The following TRMT11 variants were observed in gnomAD, a reference collection of about 807,000 sequenced individuals.
TRMT11 encodes tRNA methyltransferase 11.
Under a neutral mutation model 62.8 loss-of-function variants are expected in TRMT11, and 53 were observed. The ratio of observed to expected loss-of-function variants is 0.84; its 90% CI spans 0.68 to 1.06. TRMT11 has a LOEUF of 1.06. Ranked by LOEUF, TRMT11 falls within the 50% of genes least tolerant of loss-of-function variation. The pLI, the probability that TRMT11 is intolerant of heterozygous loss-of-function variation, is 0.00. For synonymous variants in TRMT11, 188 were observed against 190.3 expected, an observed-to-expected ratio of 0.99 and a Z score of 0.10; for missense variants, 556 against 553.4, an observed-to-expected ratio of 1.00 and a Z score of -0.05.
intron 1 of TRMT11, among the ~76,000 whole-genome samples, chr6:125,991,913 G>T (rs1790699699): frequency 6.6e-6 from 1 of 152,090 alleles, no homozygotes; most frequent in Non-Finnish European, 1.5e-5. Context: ...CCTTTTAAAT[G>T]GATGAAAAAG....
At chr6:125,992,714 G>T (rs532561548) in intron 1 of TRMT11, among the ~76,000 whole-genome samples, 1 of 152,236 alleles carries the variant, frequency 6.6e-6, no homozygotes, top group East Asian at 1.9e-4. Context: ...TCAGATTATG[G>T]TCTATTTAAT....
upstream of TRMT11, among the ~76,000 whole-genome samples, chr6:126,175,202 G>A (rs1778371905): frequency 1.3e-5 from 2 of 152,202 alleles, no homozygotes; most frequent in African/African-American, 4.8e-5. Context: ...GTCAATAATA[G>A]TTGGAGGGGC....
intron 3 of TRMT11, among the ~76,000 whole-genome samples, chr6:125,997,105 C>T (rs909404646): frequency 2.0e-5 from 3 of 152,126 alleles, no homozygotes; most frequent in African/African-American, 7.2e-5. Flanking sequence ...ATTAATGGCA[C>T]AATTAACAGT....
chr6:126,102,118 A>G (rs1777408245), intron 17 of TRMT11, among the ~76,000 whole-genome samples: 1 of 152,148 alleles, frequency 6.6e-6, no homozygotes, highest in East Asian at 1.9e-4. Context: ...CAAACATACA[A>G]ATGAATGGGA....
intron 1 of TRMT11, among the ~76,000 whole-genome samples, chr6:126,187,346 A>G (rs1176906170): frequency 6.6e-6 from 1 of 151,998 alleles, no homozygotes; most frequent in Non-Finnish European, 1.5e-5. Flanking sequence ...ATACTTGAAA[A>G]ATAATACCAT....
chr6:126,122,576 A>G (rs1012968206), intron 21 of TRMT11, among the ~76,000 whole-genome samples: 9 of 152,164 alleles, frequency 5.9e-5, no homozygotes, highest in African/African-American at 2.2e-4. Context: ...CCACACCAGA[A>G]GGAAGGAATG....
intron 2 of TRMT11, among the ~76,000 whole-genome samples, chr6:125,994,597 A>G (rs1404615614): frequency 6.6e-6 from 1 of 152,208 alleles, no homozygotes; most frequent in Non-Finnish European, 1.5e-5. Context: ...ATTGGAAGAA[A>G]AAAAACGGGG....
chr6:126,107,477 T>C (rs1777477249), intron 17 of TRMT11, among the ~76,000 whole-genome samples: 1 of 152,090 alleles, frequency 6.6e-6, no homozygotes, highest in African/African-American at 2.4e-5. Context: ...AAATAAGCGA[T>C]GGAGTTTGGG....
chr6:126,027,855 C>G (rs371489166), intron 12 of TRMT11, among the ~76,000 whole-genome samples: 1 of 151,994 alleles, frequency 6.6e-6, no homozygotes, highest in African/African-American at 2.4e-5. Flanking sequence ...CTATGAAGTA[C>G]AAAAGAACCA....
chr6:126,230,541 G>A, the TRMT11 span, among the ~76,000 whole-genome samples: 1 of 152,090 alleles, frequency 6.6e-6, no homozygotes, highest in Non-Finnish European at 1.5e-5. Flanking sequence ...CTTCAGCAAT[G>A]TTCTCTATGC....
rs184506131 is a variant in TRMT11, at chr6:126,011,039, T to G, written c.761-214T>G. 3.5e-4 allele frequency among the ~76,000 whole-genome samples: 53 copies of G among 152,300 alleles called. No individual in the cohort carries two copies. The Middle Eastern group carries it at 0.01, about 29-fold the overall frequency. Reference sequence around the variant, plus strand: ...TTTTAAGGCAGTTTTACTTGGAAGTTGACAGAACAAGATAAGTTAGACATC... The same window carrying G: ...TTTTAAGGCAGTTTTACTTGGAAGTGGACAGAACAAGATAAGTTAGACATC... On this transcript the variant is annotated intron_variant, in intron 8 of 12. Transcript: ENST00000334379.
downstream of TRMT11, among the ~76,000 whole-genome samples, chr6:126,208,728 G>A (rs1232331478): frequency 1.3e-5 from 2 of 152,112 alleles, no homozygotes; most frequent in Admixed American, 6.5e-5. Flanking sequence ...CAGATAAAAC[G>A]ATTCATAGAA....
intron 21 of TRMT11, among the ~76,000 whole-genome samples, chr6:126,141,137 G>C (rs1412938491): frequency 2.0e-5 from 3 of 152,060 alleles, no homozygotes; most frequent in Admixed American, 6.6e-5. Flanking sequence ...TTGAATAAGA[G>C]AGTTTTCCTC....
chr6:126,214,921 G>C, the TRMT11 span, among the ~76,000 whole-genome samples: 1 of 151,802 alleles, frequency 6.6e-6, no homozygotes, highest in Non-Finnish European at 1.5e-5. Context: ...GTTTTGGTAT[G>C]TTTGGTTTCC....
In TRMT11 at chr6:126,084,863, A is replaced by G. The variant is rs556193020; in HGVS notation, c.*1438-28003A>G. 9.8e-5 allele frequency among the ~76,000 whole-genome samples: 15 copies of G among 152,304 alleles called. No homozygotes were observed. In the East Asian group the frequency reaches 2.9e-3, roughly 29 times the overall value. ...GAAAGACAAACATTGCATGATCTCT[A>G]TGAGTCTAAAAGGGTCAAACTCATA... On this transcript the variant is annotated intron_variant and NMD_transcript_variant, in intron 17 of 22. Transcript: ENST00000648977.
At chr6:126,052,563 T>C (rs921861634) in intron 16 of TRMT11, among the ~76,000 whole-genome samples, 11 of 152,172 alleles carry the variant, frequency 7.2e-5, no homozygotes, top group Non-Finnish European at 1.3e-4. Flanking sequence ...CCCCCCTTTT[T>C]ATATATCCTT....
At chr6:126,241,872 A>G in the TRMT11 span, among the ~76,000 whole-genome samples, 2 of 152,198 alleles carry the variant, frequency 1.3e-5, no homozygotes, top group Non-Finnish European at 2.9e-5. Context: ...GAAAACTGGC[A>G]CAAGACAGGG....
intron 21 of TRMT11, among the ~76,000 whole-genome samples, chr6:126,158,495 A>G (rs1048629962): frequency 2.0e-5 from 3 of 152,204 alleles, no homozygotes; most frequent in Non-Finnish European, 4.4e-5. Flanking sequence ...TCTTTTTATG[A>G]GGCCAACAAT....
At chr6:126,211,683 G>C in the TRMT11 span, among the ~76,000 whole-genome samples, 2 of 151,456 alleles carry the variant, frequency 1.3e-5, no homozygotes, top group Non-Finnish European at 2.9e-5. Flanking sequence ...TATATGTATA[G>C]AGTACATGAG....
Sources: allele counts gnomAD v4.1 joint callset (sites outside exome capture counted in the v4.1 genomes callset), GRCh38; gene constraint gnomAD v4.1.1; transcripts MANE v1.5; gene names NCBI Gene and HGNC (gene_info 2026-07-23, HGNC 2026-07-21).